The following TGFBRAP1 variants were observed in gnomAD, a reference collection of about 807,000 sequenced individuals.
TGFBRAP1 encodes transforming growth factor beta receptor associated protein 1.
Under a neutral mutation model 83.2 loss-of-function variants are expected in TGFBRAP1, and 20 were observed. The ratio of observed to expected loss-of-function variants is 0.24; its 90% CI spans 0.17 to 0.35. TGFBRAP1 has a LOEUF of 0.35. Ranked by LOEUF, TGFBRAP1 falls within the 10% of genes least tolerant of loss-of-function variation. TGFBRAP1 has a pLI of 1.00. For missense variants in TGFBRAP1, 950 were observed against 1,099.4 expected (o/e 0.86, Z 1.92); for synonymous variants, 415 against 459.8 (o/e 0.90, Z 1.25).
In TGFBRAP1 at chr2:105,296,377, G is replaced by A. The variant is rs1432325029; in HGVS notation, c.1017C>T (p.Asn339=). ...AAACCTGAAATTTTTCCTTTGGAAT[G>A]TTCCTCCGGGCTCCTTTTGCTAAAA... ...ALVLAKGARR[N]IPKEKFQVMY... is the part of the protein sequence containing the mutation. Residue 339 remains asparagine (N), a synonymous_variant, in exon 4 of 12, where the codon AAC becomes AAT. Coordinates refer to ENST00000393359, the MANE Select transcript of TGFBRAP1 (RefSeq NM_004257.6). The A allele has an allele frequency of 1.2e-6, 2 of 1,613,624 alleles. No homozygotes were observed. The highest frequency in any genetic ancestry group is 2.7e-5 in the African/African-American group (2 of 74,880).
chr2:105,316,481 A>ACG (rs376567689), intron 1 of TGFBRAP1, among the ~76,000 whole-genome samples: 12 of 94,502 alleles, frequency 1.3e-4, no homozygotes, highest in South Asian at 1.0e-3. Flanking sequence ...GCGCGCGCGC[A>ACG]CGCGCACATA....
chr2:105,302,840 G>A (rs558017630), intron 2 of TGFBRAP1, among the ~76,000 whole-genome samples: 89 of 152,282 alleles, frequency 5.8e-4, no homozygotes, highest in African/African-American at 2.1e-3. Context: ...TCTAGTTGAT[G>A]GCATAACCAC....
intron 1 of TGFBRAP1, among the ~76,000 whole-genome samples, chr2:105,316,851 A>T (rs1331080616): frequency 6.6e-6 from 1 of 152,096 alleles, no homozygotes; most frequent in Non-Finnish European, 1.5e-5. Flanking sequence ...AAAGGGCCAG[A>T]AAAAGTTAGA....
chr2:105,327,658 C>T (rs1231657161), intron 1 of TGFBRAP1, among the ~76,000 whole-genome samples: 1 of 152,100 alleles, frequency 6.6e-6, no homozygotes, highest in East Asian at 1.9e-4. Flanking sequence ...TTTAAAACTC[C>T]TCAACTGGAG....
intron 4 of TGFBRAP1, among the ~76,000 whole-genome samples, chr2:105,285,196 G>A (rs1558636694): frequency 6.6e-6 from 1 of 152,210 alleles, no homozygotes; most frequent in Non-Finnish European, 1.5e-5. Context: ...TAAAGACTGT[G>A]TTTTAATTAC....
intron 1 of TGFBRAP1, among the ~76,000 whole-genome samples, chr2:105,320,719 T>C (rs975865501): frequency 3.9e-5 from 6 of 152,206 alleles, no homozygotes; most frequent in Non-Finnish European, 5.9e-5. Flanking sequence ...CAGTCTCTTA[T>C]TGTATAAGCT....
At chr2:105,277,507 T>G in intron 7 of TGFBRAP1, 107 bp downstream of exon 7, 3 of 976,756 alleles carry the variant, frequency 3.1e-6, no homozygotes, top group Non-Finnish European at 4.9e-6. Flanking sequence ...AGGGTGTAGA[T>G]CAGGCAAAAG....
rs545401972 is a variant in TGFBRAP1 at position 105,266,578 on chromosome 2, G to A, written c.*805C>T. The A allele has an allele frequency of 8.5e-5, 13 of 152,344 alleles. No individual in the cohort carries two copies. The highest frequency in any genetic ancestry group is 2.9e-4 in the African/African-American group (12 of 41,576). 9.4% of individuals were successfully genotyped at this position (152,344 alleles called of 1,614,324 possible). A position where few individuals can be genotyped will look rare whatever the true frequency, so the allele number is the denominator to read the frequency against. ...ATGACAGGAAAGGAGCACACAGCTGGGCCCTTGCCCGCCGTGGGTTTCCCG... is the reference window on the plus strand; with the variant it reads ...ATGACAGGAAAGGAGCACACAGCTGAGCCCTTGCCCGCCGTGGGTTTCCCG... On this transcript the variant is annotated 3_prime_UTR_variant, in exon 12 of 12. Coordinates refer to ENST00000393359, the MANE Select transcript of TGFBRAP1 (RefSeq NM_004257.6).
chr2:105,321,952 A>G (rs753655926), intron 1 of TGFBRAP1, among the ~76,000 whole-genome samples: 2 of 152,210 alleles, frequency 1.3e-5, no homozygotes, highest in African/African-American at 4.8e-5. Context: ...GCGTACACCT[A>G]CTTATGCAGG....
chr2:105,295,371 C>A (rs1678047341), intron 4 of TGFBRAP1, among the ~76,000 whole-genome samples: 1 of 152,158 alleles, frequency 6.6e-6, no homozygotes, highest in African/African-American at 2.4e-5. Context: ...ACATACATAG[C>A]AATATTATGT....
chr2:105,303,741 G>A (rs1678387761), intron 2 of TGFBRAP1, among the ~76,000 whole-genome samples: 1 of 152,108 alleles, frequency 6.6e-6, no homozygotes, highest in South Asian at 2.1e-4. Context: ...ACTAGGAAGT[G>A]GTCTTGCCTC....
intron 4 of TGFBRAP1, among the ~76,000 whole-genome samples, chr2:105,295,153 A>G (rs775869398): frequency 2.0e-5 from 3 of 152,212 alleles, no homozygotes; most frequent in Non-Finnish European, 4.4e-5. Flanking sequence ...CAACGTTTAA[A>G]TGTAGAAAAG....
chr2:105,314,708 G>A (rs150617404), intron 1 of TGFBRAP1, among the ~76,000 whole-genome samples: 2 of 151,716 alleles, frequency 1.3e-5, no homozygotes, highest in Non-Finnish European at 2.9e-5. Context: ...CAGCATGTTG[G>A]GAGGCCAAGG....
At chr2:105,315,283 TG>T (rs1573216083) in intron 1 of TGFBRAP1, among the ~76,000 whole-genome samples, 2 of 152,166 alleles carry the variant, frequency 1.3e-5, no homozygotes, top group Admixed American at 1.3e-4. Context: ...ATTGAAAAGC[TG>T]GTTTTAAATT....
chr2:105,316,399 C>G (rs2104408821), intron 1 of TGFBRAP1, among the ~76,000 whole-genome samples: 1 of 147,502 alleles, frequency 6.8e-6, no homozygotes, highest in Non-Finnish European at 1.5e-5. Flanking sequence ...CATTCCAATA[C>G]AAACTCTTAC....
chr2:105,271,390 C>T (rs1412777587), intron 10 of TGFBRAP1, among the ~76,000 whole-genome samples: 1 of 152,180 alleles, frequency 6.6e-6, no homozygotes, highest in Non-Finnish European at 1.5e-5. Flanking sequence ...AGTAAAAATT[C>T]AATAGCTGGG....
chr2:105,280,798 G>A, intron 5 of TGFBRAP1, 75 bp from the exon 6 acceptor site: 1 of 1,469,702 alleles, frequency 6.8e-7, no homozygotes. Flanking sequence ...CAGCACTGGA[G>A]GGGAGCGCAC....
chr2:105,323,246 G>A (rs74592707), intron 1 of TGFBRAP1, among the ~76,000 whole-genome samples: 2 of 152,132 alleles, frequency 1.3e-5, no homozygotes, highest in African/African-American at 4.8e-5. Context: ...GGAAAAGTCA[G>A]GTGGTGACTT....
rs911320686 is a variant in TGFBRAP1, at chr2:105,266,706, C to G, written c.*677G>C. On this transcript the variant is annotated 3_prime_UTR_variant, in exon 12 of 12. Coordinates refer to ENST00000393359, the MANE Select transcript of TGFBRAP1 (RefSeq NM_004257.6). ...CTAGGCAGCCAGAAGCATTAGTTCA[C>G]CCAAGAGTGAGTGCTTGGGTACACA... 5.3e-5 allele frequency: 8 copies of G among 152,258 alleles called. No homozygotes were observed. Among genetic ancestry groups the G allele is most frequent in the Admixed American group, 5.2e-4 (8 of 15,286 alleles). 9.4% of individuals were successfully genotyped at this position (152,258 alleles called of 1,614,324 possible). A position where few individuals can be genotyped will look rare whatever the true frequency, so the allele number is the denominator to read the frequency against.
Sources: allele counts gnomAD v4.1 joint callset (sites outside exome capture counted in the v4.1 genomes callset), GRCh38; gene constraint gnomAD v4.1.1; transcripts MANE v1.5; gene names NCBI Gene and HGNC (gene_info 2026-07-23, HGNC 2026-07-21).